Variants in OSBPL5 observed in about 807,000 individuals in gnomAD.
OSBPL5 encodes the protein oxysterol binding protein like 5.
A neutral mutation model predicts 111.2 loss-of-function variants in OSBPL5; 71 were observed. That is an observed-to-expected ratio of 0.64 (90% confidence interval 0.53 to 0.78). The LOEUF (loss-of-function observed/expected upper bound fraction) is 0.78. Ranked by LOEUF, OSBPL5 falls within the 30% of genes least tolerant of loss-of-function variation. OSBPL5 has a pLI of 0.00. For missense variants in OSBPL5, 1,210 were observed against 1,189.3 expected (o/e 1.02, Z -0.26); for synonymous variants, 549 against 513.9 (o/e 1.07, Z -0.93).
At chr11:3,131,856 A>ACCATCCATCCATCCTCCTGTCCAT (rs58749026) in intron 1 of OSBPL5, among the ~76,000 whole-genome samples, 5 of 41,698 alleles carry the variant, frequency 1.2e-4, no homozygotes, top group African/African-American at 2.7e-4. Context: ...CACCCACCAA[A>ACCATCCATCCATCCTCCTGTCCAT]CCATCCATCC....
intron 7 of OSBPL5, among the ~76,000 whole-genome samples, chr11:3,112,508 T>C (rs368768632): frequency 1.1e-4 from 16 of 150,148 alleles, no homozygotes; most frequent in South Asian, 4.2e-4. Flanking sequence ...CTAAAGTAGT[T>C]ATTGCAACAG....
At chr11:3,098,841 C>G (rs1331373316) in intron 14 of OSBPL5, among the ~76,000 whole-genome samples, 2 of 150,440 alleles carry the variant, frequency 1.3e-5, no homozygotes, top group Non-Finnish European at 3.0e-5. Flanking sequence ...GGATCTCACG[C>G]CAGCCCAGGC....
intron 17 of OSBPL5, chr11:3,093,294 G>T: frequency 2.6e-6 from 2 of 769,324 alleles, no homozygotes; most frequent in Non-Finnish European, 2.0e-6. Flanking sequence ...TTGGTCACTC[G>T]CCGGCAGTGA....
chr11:3,126,593 T>C lies in OSBPL5; in HGVS notation c.137-38A>G. 6.4e-7 allele frequency: 1 copy of C among 1,566,382 alleles called. No homozygotes were observed. On this transcript the variant is annotated intron_variant, in intron 2 of 21. Coordinates refer to ENST00000263650, the MANE Select transcript of OSBPL5 (RefSeq NM_020896.4). This position sits in a 1 kb window ranked among gnomAD's most constrained non-coding sequence, Gnocchi z 6.5. Reference sequence around the variant, plus strand: ...AGTGGGAGTGAGGACCCAGGCATGGTGGCGTGGCCAGGCTTCTCAGGCCGC... The same window carrying C: ...AGTGGGAGTGAGGACCCAGGCATGGCGGCGTGGCCAGGCTTCTCAGGCCGC...
rs535001495 is a variant in OSBPL5, at chr11:3,142,834, C to T, written c.-21-13665G>A. ...CTTGCGGGTAGAAGGGCAGTGACTG[C>T]CCACTCCTTGCACACAAGGAAACAG... On this transcript the variant is annotated intron_variant, in intron 1 of 21. Coordinates refer to ENST00000263650, the MANE Select transcript of OSBPL5 (RefSeq NM_020896.4). The surrounding 1 kb of genome is among the most constrained non-coding windows in gnomAD (Gnocchi z 7.1). Among the ~76,000 whole-genome samples the T allele has an allele frequency of 4.6e-5, 7 of 152,050 alleles. No individual in the cohort carries two copies. In the East Asian group the frequency reaches 1.4e-3, roughly 30 times the overall value.
chr11:3,143,439 G>A (rs1025682217), intron 1 of OSBPL5, among the ~76,000 whole-genome samples: 3 of 152,226 alleles, frequency 2.0e-5, no homozygotes, highest in Non-Finnish European at 4.4e-5. Context: ...CCATCAGAGA[G>A]CGGACACAGC....
intron 19 of OSBPL5, 171 bp from the exon 20 acceptor site, chr11:3,090,867 G>A: frequency 1.3e-6 from 1 of 799,356 alleles, no homozygotes; most frequent in Non-Finnish European, 1.9e-6. Context: ...CCCCGGCATG[G>A]CCTGGAGTAG....
chr11:3,138,121 G>A (rs1018523285), intron 1 of OSBPL5, among the ~76,000 whole-genome samples: 1 of 152,192 alleles, frequency 6.6e-6, no homozygotes, highest in African/African-American at 2.4e-5. Flanking sequence ...GCCCGGCCAG[G>A]CCAGCCCGTC....
chr11:3,112,289 C>T (rs146842850), intron 7 of OSBPL5, among the ~76,000 whole-genome samples: 133 of 152,098 alleles, frequency 8.7e-4, no homozygotes, highest in Admixed American at 3.9e-3. Flanking sequence ...CACCTTCTGC[C>T]GCATGGGGGA....
In OSBPL5 at chr11:3,094,302, C is replaced by T. The variant is rs1335535531; in HGVS notation, c.1654G>A (p.Gly552Ser). Residue 552 changes from glycine (G) to serine (S), a missense_variant, in exon 15 of 22, where the codon GGT (glycine) becomes AGT (serine). Gly to Ser is a moderately conservative substitution (Grantham distance 56). Coordinates refer to ENST00000263650, the MANE Select transcript of OSBPL5 (RefSeq NM_020896.4). Reference protein sequence around the residue: ...ILYGTMTLELGGKVTIECAKN... With the variant: ...ILYGTMTLELSGKVTIECAKN... Reference sequence around the variant, plus strand: ...GCACACTCGATGGTGACCTTCCCACCCAGCTCCAGGGTCATCGTGCCATAC... The same window carrying T: ...GCACACTCGATGGTGACCTTCCCACTCAGCTCCAGGGTCATCGTGCCATAC... 1.2e-6 allele frequency: 2 copies of T among 1,613,636 alleles called. No homozygotes were observed. Among genetic ancestry groups the T allele is most frequent in the South Asian group, 1.1e-5 (1 of 91,090 alleles).
intron 7 of OSBPL5, among the ~76,000 whole-genome samples, chr11:3,115,280 G>T (rs1858170406): frequency 6.6e-6 from 1 of 152,084 alleles, no homozygotes; most frequent in Non-Finnish European, 1.5e-5. Flanking sequence ...GGTTTGCTTA[G>T]GAAAAACAGA....
intron 1 of OSBPL5, among the ~76,000 whole-genome samples, chr11:3,134,029 C>T (rs1201983122): frequency 2.0e-5 from 3 of 152,056 alleles, no homozygotes; most frequent in Non-Finnish European, 4.4e-5. Context: ...CCCAGCTCTG[C>T]CCAAGCCTCG....
intron 14 of OSBPL5, 27 bp downstream of exon 14, chr11:3,100,131 C>T (rs1857401169): frequency 6.2e-7 from 1 of 1,606,242 alleles, no homozygotes; most frequent in South Asian, 1.1e-5. Flanking sequence ...TGGCTCTGCC[C>T]TCGGAGTGTG....
chr11:3,098,927 C>G (rs1857368490), intron 14 of OSBPL5, among the ~76,000 whole-genome samples: 1 of 151,962 alleles, frequency 6.6e-6, no homozygotes, highest in African/African-American at 2.4e-5. Flanking sequence ...ACTTCAACCT[C>G]CCAAGGCTGG....
intron 13 of OSBPL5, 78 bp downstream of exon 13, chr11:3,101,525 G>T: frequency 7.5e-7 from 1 of 1,331,752 alleles, no homozygotes; most frequent in Non-Finnish European, 1.1e-6. Context: ...TCCAGATCTT[G>T]GTCCACTGGC....
Position 3,114,593 on chromosome 11 carries a change from T to C in OSBPL5, c.691+4954A>G, listed in dbSNP as rs866099397. ...CTAAAGAATTGGTTAGAACAATGAT[T>C]TTTTTTTTTTTTTTTTTTTTTTTTA... On this transcript the variant is annotated intron_variant, in intron 7 of 21. Transcript: ENST00000263650. 5.9e-5 allele frequency among the ~76,000 whole-genome samples: 8 copies of C among 134,732 alleles called. 2 individuals carry two copies. The highest frequency in any genetic ancestry group is 1.1e-4 in the African/African-American group (4 of 35,088). The allele number at this position is 134,732 out of a possible 152,430, so 88.4% of individuals were successfully genotyped here. A position where few individuals can be genotyped will look rare whatever the true frequency, so the allele number is the denominator to read the frequency against.
intron 2 of OSBPL5, among the ~76,000 whole-genome samples, 190 bp downstream of exon 2, chr11:3,128,823 C>T (rs1016671920): frequency 5.3e-5 from 8 of 152,144 alleles, no homozygotes; most frequent in East Asian, 3.9e-4. Context: ...CACCTGGCCC[C>T]GCAGGTCAAG....
chr11:3,103,138 TA>T, intron 11 of OSBPL5, 100 bp downstream of exon 11: 3 of 1,013,424 alleles, frequency 3.0e-6, no homozygotes, highest in Non-Finnish European at 4.3e-6. Context: ...CCATGTGGGG[TA>T]GGGGGTGGCC....
intron 15 of OSBPL5, among the ~76,000 whole-genome samples, 164 bp from the exon 16 acceptor site, chr11:3,093,999 G>A (rs1423353360): frequency 6.6e-6 from 1 of 152,146 alleles, no homozygotes; most frequent in Non-Finnish European, 1.5e-5. Context: ...CCACGCCTCC[G>A]CTCAAGGATG....
Sources: allele counts gnomAD v4.1 joint callset (sites outside exome capture counted in the v4.1 genomes callset), GRCh38; gene constraint gnomAD v4.1.1; non-coding constraint Gnocchi (gnomAD v3.1); transcripts MANE v1.5; gene names NCBI Gene and HGNC (gene_info 2026-07-23, HGNC 2026-07-21).